Variants in KDM7A observed in about 807,000 individuals in gnomAD.
KDM7A encodes lysine demethylase 7A.
In KDM7A, 28 loss-of-function variants were observed where a neutral mutation model predicts 114.8. The ratio of observed to expected loss-of-function variants is 0.24; its 90% CI spans 0.18 to 0.33. The LOEUF is 0.33. KDM7A is among the 10% of genes least tolerant of loss of function. The pLI is 1.00. For synonymous variants in KDM7A, 423 were observed against 397.8 expected, an observed-to-expected ratio of 1.06 and a Z score of -0.75; for missense variants, 942 against 1,142.5, an observed-to-expected ratio of 0.82 and a Z score of 2.53.
At chr7:140,175,743 T>C (rs1794696570) in intron 1 of KDM7A, among the ~76,000 whole-genome samples, 1 of 151,694 alleles carries the variant, frequency 6.6e-6, no homozygotes, top group Non-Finnish European at 1.5e-5. Context: ...CGGCGGCGGC[T>C]GAATCAGAGG....
At chr7:140,164,880 G>GT (rs1794557322) in intron 1 of KDM7A, among the ~76,000 whole-genome samples, 2 of 152,144 alleles carry the variant, frequency 1.3e-5, no homozygotes, top group Non-Finnish European at 2.9e-5. Flanking sequence ...GATACTATTC[G>GT]GTCTACTTCT....
chr7:140,129,729 T>C, intron 3 of KDM7A, 76 bp from the exon 4 acceptor site: 1 of 829,168 alleles, frequency 1.2e-6, no homozygotes, highest in Non-Finnish European at 2.0e-6. Context: ...TAGTGATGGG[T>C]TAATTCATAT....
intron 1 of KDM7A, among the ~76,000 whole-genome samples, chr7:140,143,212 C>T (rs1047412920): frequency 1.3e-5 from 2 of 148,308 alleles, no homozygotes; most frequent in Non-Finnish European, 3.0e-5. Flanking sequence ...TAAAAGAGTA[C>T]ATATGATATA....
At chr7:140,133,912 G>C (rs998666610) in intron 2 of KDM7A, among the ~76,000 whole-genome samples, 1 of 152,144 alleles carries the variant, frequency 6.6e-6, no homozygotes, top group African/African-American at 2.4e-5. Context: ...CAAATCAGCA[G>C]ATGGAGCCTT....
intron 9 of KDM7A, among the ~76,000 whole-genome samples, chr7:140,115,749 T>C (rs1288446032): frequency 6.7e-6 from 1 of 150,300 alleles, no homozygotes; most frequent in Admixed American, 6.6e-5. Context: ...CCCATGACCC[T>C]GCCAAATCCC....
At chr7:140,100,728 A>ATATATATACACATATATATATATATG (rs1562946114) in intron 12 of KDM7A, among the ~76,000 whole-genome samples, 2 of 42,656 alleles carry the variant, frequency 4.7e-5, no homozygotes, top group Non-Finnish European at 9.6e-5. Context: ...ATATATATAT[A>ATATATATACACATATATATATATATG]TATATATATA....
chr7:140,172,475 A>G (rs1282902377), intron 1 of KDM7A, among the ~76,000 whole-genome samples: 1 of 151,918 alleles, frequency 6.6e-6, no homozygotes, highest in East Asian at 1.9e-4. Flanking sequence ...AACACAGTGA[A>G]ACCCCATCTC....
chr7:140,092,107 A>T, intron 18 of KDM7A, 30 bp from the exon 19 acceptor site: 4 of 1,610,572 alleles, frequency 2.5e-6, no homozygotes, highest in Non-Finnish European at 2.5e-6. Context: ...ATGAGGCTGA[A>T]TTTTTAGGGT....
chr7:140,151,385 C>T (rs1281365611), intron 1 of KDM7A, among the ~76,000 whole-genome samples: 1 of 152,134 alleles, frequency 6.6e-6, no homozygotes, highest in Non-Finnish European at 1.5e-5. Context: ...GATTCTCACA[C>T]AATATTTACT....
Position 140,176,948 on chromosome 7 carries a change from C to G in KDM7A, c.-11G>C, listed in dbSNP as rs1794719398. 3 of 1,139,214 alleles carry G rather than the reference C, an allele frequency of 2.6e-6. No individual in the cohort carries two copies. In the South Asian group the frequency reaches 1.2e-4, roughly 46 times the overall value. 70.6% of individuals were successfully genotyped at this position (1,139,214 alleles called of 1,614,324 possible). ...CGCCGCTCCGGCCATCTTTAAAAAA[C>G]ACACACACGCTCGCTCGCTACTCCG... On this transcript the variant is annotated 5_prime_UTR_variant, in exon 1 of 20. Coordinates refer to ENST00000397560, the MANE Select transcript of KDM7A (RefSeq NM_030647.2). This position sits in a 1 kb window ranked among gnomAD's most constrained non-coding sequence, Gnocchi z 4.4.
intron 1 of KDM7A, among the ~76,000 whole-genome samples, chr7:140,143,663 C>G (rs976417295): frequency 1.3e-5 from 2 of 152,188 alleles, no homozygotes; most frequent in African/African-American, 4.8e-5. Context: ...AACAAGCCTA[C>G]TCTCACCTGA....
intron 1 of KDM7A, among the ~76,000 whole-genome samples, chr7:140,160,335 A>C (rs1370266495): frequency 6.6e-6 from 1 of 152,146 alleles, no homozygotes; most frequent in Non-Finnish European, 1.5e-5. Context: ...AAGAAAAGTC[A>C]CTCATATCCT....
chr7:140,097,699 G>A (rs1349543062), intron 14 of KDM7A, 57 bp from the exon 15 acceptor site: 5 of 994,494 alleles, frequency 5.0e-6, no homozygotes, highest in Non-Finnish European at 8.0e-6. Context: ...CGATGAACAA[G>A]GTGACAAGAT....
intron 11 of KDM7A, among the ~76,000 whole-genome samples, chr7:140,104,273 T>C (rs1395310438): frequency 1.3e-5 from 2 of 152,088 alleles, no homozygotes; most frequent in African/African-American, 2.4e-5. Context: ...CCTGTTCACT[T>C]TGATGGTAGT....
intron 1 of KDM7A, among the ~76,000 whole-genome samples, chr7:140,152,484 C>T (rs1453390027): frequency 2.0e-5 from 3 of 151,924 alleles, no homozygotes; most frequent in Non-Finnish European, 2.9e-5. Flanking sequence ...GTTAGCTGGC[C>T]GTGGTGGGAC....
chr7:140,089,180 T>G lies in KDM7A; in HGVS notation c.*1914A>C, dbSNP rs1817980466. The stretch of plus-strand genomic sequence containing the variant: ...ATGACTCTACCCATCTTTCCACTGG[T>G]TTTGGCATAGTGTAGACAGGGTTTA... On this transcript the variant is annotated 3_prime_UTR_variant, in exon 20 of 20. Coordinates refer to ENST00000397560, the MANE Select transcript of KDM7A (RefSeq NM_030647.2). 1 of 152,122 alleles carries G rather than the reference T, an allele frequency of 6.6e-6. No homozygotes were observed. The highest frequency in any genetic ancestry group is 1.5e-5 in the Non-Finnish European group (1 of 68,000). The allele number at this position is 152,122 out of a possible 1,614,324, so 9.4% of individuals were successfully genotyped here. A position where few individuals can be genotyped will look rare whatever the true frequency, so the allele number is the denominator to read the frequency against.
intron 11 of KDM7A, among the ~76,000 whole-genome samples, chr7:140,108,068 T>C (rs142067707): frequency 1.5e-4 from 23 of 152,356 alleles, no homozygotes; most frequent in Non-Finnish European, 2.9e-4. Flanking sequence ...TCAAATCGGC[T>C]ACCGAAGCTT....
intron 1 of KDM7A, among the ~76,000 whole-genome samples, chr7:140,173,004 G>A (rs746759820): frequency 1.1e-4 from 17 of 151,796 alleles, no homozygotes; most frequent in Non-Finnish European, 2.2e-4. Context: ...ACTAATAAAC[G>A]GTGTTTACAT....
At chr7:140,101,227 T>C (rs898858612) in intron 12 of KDM7A, among the ~76,000 whole-genome samples, 10 of 152,166 alleles carry the variant, frequency 6.6e-5, no homozygotes, top group Admixed American at 1.3e-4. Flanking sequence ...TACCATGTTC[T>C]GCAAAGGCGC....
Sources: allele counts gnomAD v4.1 joint callset (sites outside exome capture counted in the v4.1 genomes callset), GRCh38; gene constraint gnomAD v4.1.1; non-coding constraint Gnocchi (gnomAD v3.1); transcripts MANE v1.5; gene names NCBI Gene and HGNC (gene_info 2026-07-23, HGNC 2026-07-21).